Variants in ASRGL1 observed in about 807,000 individuals in gnomAD.
ASRGL1 encodes the protein asparaginase and isoaspartyl peptidase 1.
In ASRGL1, 16 loss-of-function variants were observed where a neutral mutation model predicts 22.4. The observed-to-expected ratio is 0.71, with a 90% CI of 0.48 to 1.08. The LOEUF is 1.08. Ranked by LOEUF, ASRGL1 falls within the 50% of genes least tolerant of loss-of-function variation. ASRGL1 has a pLI of 0.00. For synonymous variants in ASRGL1, 165 were observed against 159.3 expected (o/e 1.04, Z -0.27); for missense variants, 412 against 410.1 (o/e 1.00, Z -0.04).
intron 4 of ASRGL1, among the ~76,000 whole-genome samples, chr11:62,379,014 C>T (rs1368193758): frequency 6.6e-6 from 1 of 151,988 alleles, no homozygotes; most frequent in Non-Finnish European, 1.5e-5. Context: ...TTTTTGACTC[C>T]TGAGGCTGTA....
intron 2 of ASRGL1, among the ~76,000 whole-genome samples, chr11:62,351,746 T>G (rs1049450558): frequency 6.6e-6 from 1 of 152,072 alleles, no homozygotes; most frequent in Non-Finnish European, 1.5e-5. Flanking sequence ...CAATCAGAGC[T>G]TTGCAGCCTT....
intron 4 of ASRGL1, among the ~76,000 whole-genome samples, chr11:62,384,457 T>C (rs1477754676): frequency 2.0e-5 from 3 of 152,104 alleles, no homozygotes; most frequent in African/African-American, 4.8e-5. Context: ...TGAGCTGAGA[T>C]GGCGCCACTG....
At chr11:62,387,953 G>A (rs1947253584) in intron 4 of ASRGL1, among the ~76,000 whole-genome samples, 1 of 152,188 alleles carries the variant, frequency 6.6e-6, no homozygotes, top group South Asian at 2.1e-4. Context: ...GACAAGAAAT[G>A]CATCCTGAGA....
At chr11:62,362,607 A>T (rs1453090795) in intron 4 of ASRGL1, among the ~76,000 whole-genome samples, 6 of 17,976 alleles carry the variant, frequency 3.3e-4, no homozygotes, top group Admixed American at 8.5e-4. Flanking sequence ...TATTATATAA[A>T]ATATATATTA....
chr11:62,362,898 T>A (rs11231049), intron 4 of ASRGL1, among the ~76,000 whole-genome samples: 210 of 5,054 alleles, frequency 0.042, 4 homozygotes, highest in East Asian at 0.29. Context: ...TTAATTTTTT[T>A]TTTTTTTTTT....
Position 62,392,477 on chromosome 11 carries a change from G to A in ASRGL1, c.*193G>A, listed in dbSNP as rs1947364516. On this transcript the variant is annotated 3_prime_UTR_variant, in exon 7 of 7. Coordinates refer to ENST00000415229, the MANE Select transcript of ASRGL1 (RefSeq NM_001083926.2). ...GCGATGAGAGAAATGCCCGTATTAG[G>A]AGGATTACTTGAGCCCAGGAGGTCA... 1 of 674,672 alleles carries A rather than the reference G, an allele frequency of 1.5e-6. No individual in the cohort carries two copies. Among genetic ancestry groups the A allele is most frequent in the East Asian group, 2.8e-5 (1 of 36,258 alleles). 41.8% of individuals were successfully genotyped at this position (674,672 alleles called of 1,614,324 possible). A position where few individuals can be genotyped will look rare whatever the true frequency, so the allele number is the denominator to read the frequency against.
Position 62,389,209 on chromosome 11 carries a change from G to C in ASRGL1, c.568G>C (p.Val190Leu). ...CTACGCAACCTCCACAGGCGGTATC[G>C]TTAATAAAATGGTCGGCCGCGTTGG... ...VAYATSTGGI[V>L]NKMVGRVGDS... The change falls in exon 5 of 7, where the codon GTT becomes CTT. Residue 190 changes from valine to leucine, a missense_variant. Coordinates refer to ENST00000415229, the MANE Select transcript of ASRGL1 (RefSeq NM_001083926.2). 6.2e-7 allele frequency: 1 copy of C among 1,614,154 alleles called. No individual in the cohort carries two copies. Among genetic ancestry groups the C allele is most frequent in the Non-Finnish European group, 8.5e-7 (1 of 1,180,038 alleles).
At position 62,392,212 on chromosome 11, in the gene ASRGL1, G is replaced by A. The variant is rs1947356437; in HGVS notation, c.855G>A (p.Trp285Ter). 5 of 1,614,022 alleles carry A rather than the reference G, an allele frequency of 3.1e-6. No homozygotes were observed. The highest frequency in any genetic ancestry group is 1.3e-5 in the African/African-American group (1 of 74,906). The change falls in exon 7 of 7, where the codon TGG becomes TGA. Residue 285 changes from tryptophan to a stop codon, truncating the protein, a stop_gained. Coordinates refer to ENST00000415229, the MANE Select transcript of ASRGL1 (RefSeq NM_001083926.2). LOFTEE classifies it low-confidence loss of function (END_TRUNC). ...AGTGGACCTCCACCTCCATGCCCTG[G>A]GCAGCCGCCAAGGACGGCAAGCTGC... ...VAKWTSTSMP[W>*]AAAKDGKLHF...
At chr11:62,370,997 C>T (rs969426678) in intron 4 of ASRGL1, 16 of 430,212 alleles carry the variant, frequency 3.7e-5, no homozygotes, top group Admixed American at 1.8e-4. Context: ...AACATCCTGG[C>T]GCATTTTTAA....
chr11:62,352,499 A>C (rs1260432210), intron 2 of ASRGL1, among the ~76,000 whole-genome samples: 1 of 151,998 alleles, frequency 6.6e-6, no homozygotes, highest in African/African-American at 2.4e-5. Flanking sequence ...CACAAGAATC[A>C]CTTCAACCCA....
At chr11:62,388,611 C>T (rs898830162) in intron 4 of ASRGL1, among the ~76,000 whole-genome samples, 7 of 144,126 alleles carry the variant, frequency 4.9e-5, no homozygotes, top group Non-Finnish European at 7.5e-5. Flanking sequence ...CAGAGGTTGC[C>T]GTGAGCCAAG....
chr11:62,399,063 A>G, the ASRGL1 span, among the ~76,000 whole-genome samples: 2 of 152,138 alleles, frequency 1.3e-5, no homozygotes, highest in Non-Finnish European at 2.9e-5. Flanking sequence ...ACTAAAATAC[A>G]AAATTAACTG....
chr11:62,387,292 C>T, intron 4 of ASRGL1, among the ~76,000 whole-genome samples: 1 of 152,104 alleles, frequency 6.6e-6, no homozygotes, highest in East Asian at 1.9e-4. Flanking sequence ...AGAATAAAAG[C>T]CTTTGCAATG....
intron 2 of ASRGL1, among the ~76,000 whole-genome samples, chr11:62,339,293 C>T (rs1022542297): frequency 6.6e-6 from 1 of 152,146 alleles, no homozygotes; most frequent in African/African-American, 2.4e-5. Flanking sequence ...CTTATTGCTA[C>T]AAAGTCTGCT....
chr11:62,348,256 T>G (rs529279753), intron 2 of ASRGL1, among the ~76,000 whole-genome samples: 123 of 152,194 alleles, frequency 8.1e-4, no homozygotes, highest in East Asian at 7.3e-3. Context: ...AGGAAAAAAT[T>G]TAATAGACCA....
chr11:62,390,675 C>G (rs953271953), intron 5 of ASRGL1, among the ~76,000 whole-genome samples: 4 of 152,216 alleles, frequency 2.6e-5, no homozygotes, highest in Admixed American at 1.3e-4. Flanking sequence ...ATTGGCTGTC[C>G]AGTGTCAGCT....
chr11:62,355,061 G>A (rs1946247579), intron 2 of ASRGL1, among the ~76,000 whole-genome samples: 1 of 151,710 alleles, frequency 6.6e-6, no homozygotes, highest in Non-Finnish European at 1.5e-5. Context: ...GGGATTACAG[G>A]CACGCACCAC....
chr11:62,389,407 G>T, intron 5 of ASRGL1, 156 bp downstream of exon 5: 1 of 753,114 alleles, frequency 1.3e-6, no homozygotes, highest in East Asian at 2.7e-5. Context: ...GGGTTGGAAG[G>T]GGTTGTTCGG....
chr11:62,351,204 C>T (rs1259120617), intron 2 of ASRGL1, among the ~76,000 whole-genome samples: 1 of 152,136 alleles, frequency 6.6e-6, no homozygotes, highest in African/African-American at 2.4e-5. Flanking sequence ...TTAAATATTT[C>T]CACTATGTGC....
Sources: gnomAD v4.1 joint callset for allele counts (sites outside exome capture counted in the v4.1 genomes callset) on GRCh38, gnomAD v4.1.1 for gene constraint, MANE v1.5 for transcripts, NCBI Gene and HGNC (gene_info 2026-07-23, HGNC 2026-07-21) for gene names.